Variants in NEGR1 observed in about 807,000 individuals in gnomAD.
NEGR1 encodes neuronal growth regulator 1, also known as IgLON family member 4.
Under a neutral mutation model 40.9 loss-of-function variants are expected in NEGR1, and 10 were observed. That is an observed-to-expected ratio of 0.24 (90% CI 0.15 to 0.42). The LOEUF (loss-of-function observed/expected upper bound fraction) is 0.42. Ranked by LOEUF, NEGR1 falls within the 10% of genes least tolerant of loss-of-function variation. NEGR1 has a pLI of 1.00. For missense variants in NEGR1, 352 were observed against 438.9 expected (o/e 0.80, Z 1.77); for synonymous variants, 185 against 166.8 (o/e 1.11, Z -0.84).
At chr1:71,807,185 C>T (rs146677127) in intron 2 of NEGR1, among the ~76,000 whole-genome samples, 137 of 152,034 alleles carry the variant, frequency 9.0e-4, no homozygotes, top group African/African-American at 2.7e-3. Context: ...TGTGAGCCAC[C>T]GCACCTGGCC....
intron 1 of NEGR1, among the ~76,000 whole-genome samples, chr1:72,259,288 CACA>C (rs896951267): frequency 4.6e-5 from 7 of 152,078 alleles, no homozygotes; most frequent in African/African-American, 1.7e-4. Context: ...GTGCCAAGCA[CACA>C]ACAAGCTTCC....
chr1:71,739,939 A>T (rs1414679943), intron 3 of NEGR1, among the ~76,000 whole-genome samples: 2 of 152,126 alleles, frequency 1.3e-5, no homozygotes, highest in East Asian at 3.9e-4. Context: ...TGTTCCCAAA[A>T]CACTCCTTGT....
At chr1:72,149,622 C>G (rs1651041160) in intron 1 of NEGR1, among the ~76,000 whole-genome samples, 1 of 151,890 alleles carries the variant, frequency 6.6e-6, no homozygotes, top group Admixed American at 6.6e-5. Context: ...GTGGCTCATG[C>G]TTGTAATCCC....
chr1:71,970,528 TAA>T (rs368495725), intron 1 of NEGR1, among the ~76,000 whole-genome samples: 5,600 of 151,932 alleles, frequency 0.037, 108 homozygotes, highest in Middle Eastern at 0.092. Context: ...CCATCTCTAC[TAA>T]AAAATAGAAA....
intron 3 of NEGR1, among the ~76,000 whole-genome samples, chr1:71,706,060 A>C (rs754538446): frequency 6.6e-6 from 1 of 152,220 alleles, no homozygotes; most frequent in Non-Finnish European, 1.5e-5. Flanking sequence ...ATATTGCTGA[A>C]AGAAGTACTG....
intron 1 of NEGR1, among the ~76,000 whole-genome samples, chr1:72,110,629 A>T (rs1180398942): frequency 6.6e-6 from 1 of 151,724 alleles, no homozygotes; most frequent in Admixed American, 6.6e-5. Context: ...GAGCTATGTA[A>T]TTAACCCTTA....
At chr1:71,624,551 C>T (rs1650706239) in intron 4 of NEGR1, among the ~76,000 whole-genome samples, 1 of 152,026 alleles carries the variant, frequency 6.6e-6, no homozygotes, top group African/African-American at 2.4e-5. Flanking sequence ...GACCACATCT[C>T]TGTCCATTGC....
chr1:71,848,939 A>C (rs1263350968), intron 2 of NEGR1, among the ~76,000 whole-genome samples: 1 of 152,004 alleles, frequency 6.6e-6, no homozygotes, highest in African/African-American at 2.4e-5. Context: ...AAAATACAAA[A>C]ATTAGCCGGG....
intron 6 of NEGR1, chr1:71,487,858 A>G (rs917060189): frequency 6.6e-6 from 1 of 151,718 alleles, no homozygotes; most frequent in Non-Finnish European, 1.5e-5. Context: ...TATATTTGCA[A>G]CAATTAATCC....
chr1:71,670,563 CT>C (rs113832378), intron 4 of NEGR1, among the ~76,000 whole-genome samples: 37 of 148,742 alleles, frequency 2.5e-4, no homozygotes, highest in East Asian at 2.0e-3. Context: ...CAGTTTTTTA[CT>C]TTTTTTTTTG....
intron 3 of NEGR1, among the ~76,000 whole-genome samples, chr1:71,717,057 T>C (rs1338909538): frequency 6.6e-6 from 1 of 152,080 alleles, no homozygotes; most frequent in Admixed American, 6.6e-5. Context: ...TCCAGCTAGG[T>C]TCTGTTCTGA....
Position 71,599,267 on chromosome 1 carries a change from T to C in NEGR1, c.789-6299A>G, listed in dbSNP as rs897365394. On this transcript the variant is annotated intron_variant, in intron 5 of 6. Coordinates refer to ENST00000357731, the MANE Select transcript of NEGR1 (RefSeq NM_173808.3). ...CTAGAACAGATACATTTCCTCTCAGTTGGCAGAAAAATATTAAATATTGAG... is the reference window on the plus strand; with the variant it reads ...CTAGAACAGATACATTTCCTCTCAGCTGGCAGAAAAATATTAAATATTGAG... Among the ~76,000 whole-genome samples the C allele has an allele frequency of 2.6e-5, 4 of 152,206 alleles. No individual in the cohort carries two copies. The South Asian group carries it at 6.2e-4, about 24-fold the overall frequency.
chr1:71,897,973 A>C (rs1267675051), intron 2 of NEGR1, among the ~76,000 whole-genome samples: 5 of 152,228 alleles, frequency 3.3e-5, no homozygotes, highest in African/African-American at 1.2e-4. Context: ...TCCTTTAGAA[A>C]GCCAACAGAC....
chr1:71,564,104 C>A (rs79546782), intron 6 of NEGR1, among the ~76,000 whole-genome samples: 2 of 151,960 alleles, frequency 1.3e-5, no homozygotes, highest in East Asian at 1.9e-4. Context: ...GCATTACCTG[C>A]GAGACTGTTA....
chr1:71,968,076 A>T (rs1430913299), intron 1 of NEGR1, among the ~76,000 whole-genome samples: 1 of 152,224 alleles, frequency 6.6e-6, no homozygotes, highest in African/African-American at 2.4e-5. Context: ...TATCTTTAAA[A>T]ATATGCTATC....
At chr1:71,696,676 G>C (rs1004705919) in intron 4 of NEGR1, among the ~76,000 whole-genome samples, 1 of 151,956 alleles carries the variant, frequency 6.6e-6, no homozygotes, top group Non-Finnish European at 1.5e-5. Context: ...ATTTCAGAGA[G>C]TTCCAGAGGG....
intron 6 of NEGR1, among the ~76,000 whole-genome samples, chr1:71,412,864 A>G (rs1219104967): frequency 6.6e-6 from 1 of 152,186 alleles, no homozygotes; most frequent in Non-Finnish European, 1.5e-5. Context: ...TATTATATTT[A>G]CCATTTTATT....
intron 6 of NEGR1, among the ~76,000 whole-genome samples, chr1:71,527,988 G>A (rs12026403): frequency 6.6e-6 from 1 of 151,420 alleles, no homozygotes; most frequent in East Asian, 2.0e-4. Context: ...AAAGCAAACA[G>A]TGTTACGTAG....
At chr1:71,572,983 C>T (rs75796133) in intron 6 of NEGR1, among the ~76,000 whole-genome samples, 12 of 152,302 alleles carry the variant, frequency 7.9e-5, no homozygotes, top group African/African-American at 2.9e-4. Context: ...TTTAAGAAAC[C>T]TCCAGAGGCA....
Sources: gnomAD v4.1 joint callset for allele counts (sites outside exome capture counted in the v4.1 genomes callset) on GRCh38, gnomAD v4.1.1 for gene constraint, MANE v1.5 for transcripts, NCBI Gene and HGNC (gene_info 2026-07-23, HGNC 2026-07-21) for gene names.